The following LIPH variants were observed in gnomAD, a reference collection of about 807,000 sequenced individuals.
LIPH encodes lipase H.
A neutral mutation model predicts 47.6 loss-of-function variants in LIPH; 32 were observed. The observed-to-expected ratio is 0.67, with a 90% CI of 0.51 to 0.90. LIPH has a LOEUF of 0.90. LIPH is among the 40% of genes least tolerant of loss of function. The pLI, the probability that LIPH is intolerant of heterozygous loss-of-function variation, is 0.00. For synonymous variants in LIPH, 190 were observed against 195.6 expected (o/e 0.97, Z 0.24); for missense variants, 497 against 541.4 (o/e 0.92, Z 0.81).
intron 6 of LIPH, among the ~76,000 whole-genome samples, 199 bp from the exon 7 acceptor site, chr3:185,517,361 C>T (rs1719760910): frequency 6.6e-6 from 1 of 152,166 alleles, no homozygotes; most frequent in Non-Finnish European, 1.5e-5. Flanking sequence ...TGAAGGGCAA[C>T]AGGACCCTCC....
intron 4 of LIPH, among the ~76,000 whole-genome samples, chr3:185,527,214 G>A (rs1185663318): frequency 1.3e-5 from 2 of 152,078 alleles, no homozygotes; most frequent in East Asian, 1.9e-4. Context: ...ACTCCAGCCT[G>A]GGCGACAGAG....
intron 3 of LIPH, among the ~76,000 whole-genome samples, chr3:185,533,046 G>A (rs1263946304): frequency 1.3e-5 from 2 of 152,122 alleles, no homozygotes; most frequent in African/African-American, 4.8e-5. Flanking sequence ...TAAGCCCTAG[G>A]CAGGAGATTC....
intron 1 of LIPH, among the ~76,000 whole-genome samples, chr3:185,543,015 C>T (rs1317378304): frequency 4.6e-5 from 7 of 152,040 alleles, no homozygotes. Flanking sequence ...TCGAGACCAG[C>T]CTGGGCAACA....
chr3:185,515,697 G>T (rs1324899982), intron 7 of LIPH, among the ~76,000 whole-genome samples: 1 of 151,978 alleles, frequency 6.6e-6, no homozygotes, highest in Non-Finnish European at 1.5e-5. Flanking sequence ...TGTTTTTGGG[G>T]TTTTTGTATT....
chr3:185,518,537 C>A (rs1719803362), intron 6 of LIPH, among the ~76,000 whole-genome samples: 2 of 152,136 alleles, frequency 1.3e-5, no homozygotes, highest in South Asian at 4.2e-4. Flanking sequence ...ACCTCAGCCT[C>A]CCAAAGTGCT....
At chr3:185,531,289 G>GGGA (rs1720322716) in intron 3 of LIPH, among the ~76,000 whole-genome samples, 1 of 152,244 alleles carries the variant, frequency 6.6e-6, no homozygotes, top group South Asian at 2.1e-4. Context: ...GCTCATGTCT[G>GGGA]TAATCCCAGC....
rs1046725517 is a variant in LIPH at position 185,551,072 on chromosome 3, G to C, written c.49+1351C>G. Among the ~76,000 whole-genome samples the C allele has an allele frequency of 2.1e-4, 32 of 152,086 alleles. 1 individual carries two copies. The highest frequency in any genetic ancestry group is 6.5e-5 in the Admixed American group (1 of 15,276). The stretch of plus-strand genomic sequence containing the variant: ...TCCTGTAGTCCCAGCTATTTGGGAG[G>C]CTGAGGCAGGAGAATCGCGTGAACC... On this transcript the variant is annotated intron_variant, in intron 1 of 9. Transcript: ENST00000296252.
At chr3:185,546,536 C>T (rs1483967740) in intron 1 of LIPH, among the ~76,000 whole-genome samples, 2 of 151,952 alleles carry the variant, frequency 1.3e-5, no homozygotes, top group African/African-American at 2.4e-5. Context: ...CTGTGGCTCA[C>T]GCCTGTAATC....
At position 185,524,118 on chromosome 3, in the gene LIPH, G is replaced by A. The variant is rs1453368208; in HGVS notation, c.671C>T (p.Pro224Leu). ...GCCAGGTTGATCCAATCCTCCATTT[G>A]GGTAGAAGTCTATGTTTCCTAATGG... The part of the protein sequence containing the change: ...KEPLGNIDFY[P>L]NGGLDQPGCP... The change falls in exon 5 of 10, where the codon CCA becomes CTA. Residue 224 changes from proline to leucine, a missense_variant. Transcript: ENST00000296252. 1.9e-6 allele frequency: 3 copies of A among 1,613,692 alleles called. No individual in the cohort carries two copies. The Admixed American group carries it at 5.0e-5, about 27-fold the overall frequency.
Position 185,508,528 on chromosome 3 carries a change from C to T in LIPH, c.*262G>A. 1 of 482,456 alleles carries T rather than the reference C, an allele frequency of 2.1e-6. No homozygotes were observed. Among genetic ancestry groups the T allele is most frequent in the East Asian group, 3.9e-5 (1 of 25,586 alleles). 29.9% of individuals were successfully genotyped at this position (482,456 alleles called of 1,614,324 possible). ...AATTGACAGGTCGGAACAAGGGAGG[C>T]CCCAGGACACAGCAGACACAGCGCT... On this transcript the variant is annotated 3_prime_UTR_variant, in exon 10 of 10. Coordinates refer to ENST00000296252, the MANE Select transcript of LIPH (RefSeq NM_139248.3).
In LIPH at chr3:185,511,629, T is replaced by G. The variant is rs1462486561; in HGVS notation, c.1163A>C (p.Lys388Thr). ...LLARFNQDLD[K>T]VAAISLMFST... ...GAACATCAAGGAAATTGCAGCCACTTTATCCAGATCTTGATTAAATCTTGC... is the reference window on the plus strand; with the variant it reads ...GAACATCAAGGAAATTGCAGCCACTGTATCCAGATCTTGATTAAATCTTGC... Residue 388 changes from lysine (K) to threonine (T), a missense_variant, in exon 9 of 10, where the codon AAA becomes ACA. Transcript: ENST00000296252. The G allele has an allele frequency of 1.2e-6, 2 of 1,613,470 alleles. No homozygotes were observed. The highest frequency in any genetic ancestry group is 2.2e-5 in the South Asian group (2 of 91,064).
chr3:185,527,634 G>T, intron 3 of LIPH, 49 bp from the exon 4 acceptor site: 1 of 1,211,712 alleles, frequency 8.3e-7, no homozygotes, highest in Non-Finnish European at 1.2e-6. Flanking sequence ...TGAGTCACCT[G>T]CAGCCGGGCC....
chr3:185,552,521 G>C lies in LIPH; in HGVS notation c.-50C>G, dbSNP rs748224598. 7.6e-7 allele frequency: 1 copy of C among 1,309,924 alleles called. No individual in the cohort carries two copies. The highest frequency in any genetic ancestry group is 1.1e-6 in the Non-Finnish European group (1 of 902,668). 81.1% of individuals were successfully genotyped at this position (1,309,924 alleles called of 1,614,324 possible). ...CACATTCACAAGAATGATTTACTTC[G>C]CAGAGGCTTAAGAGTTTCCACTGTG... On this transcript the variant is annotated 5_prime_UTR_variant, in exon 1 of 10. Transcript: ENST00000296252.
chr3:185,527,384 T>C (rs1720140523), intron 4 of LIPH, 100 bp downstream of exon 4: 1 of 892,542 alleles, frequency 1.1e-6, no homozygotes, highest in African/African-American at 1.6e-5. Flanking sequence ...AAAGTTAGAA[T>C]CTAGAGGAAC....
intron 2 of LIPH, 121 bp downstream of exon 2, chr3:185,534,643 TC>T (rs1560167389): frequency 2.1e-6 from 2 of 968,862 alleles, no homozygotes; most frequent in Non-Finnish European, 3.2e-6. Context: ...TGGGGCTTAT[TC>T]ACATTTGCAA....
At chr3:185,529,221 A>G (rs1167070077) in intron 3 of LIPH, among the ~76,000 whole-genome samples, 23 of 149,412 alleles carry the variant, frequency 1.5e-4, no homozygotes, top group African/African-American at 5.1e-4. Flanking sequence ...AAGAAAGAAA[A>G]AAGGAAAAAA....
intron 1 of LIPH, among the ~76,000 whole-genome samples, chr3:185,550,838 G>A (rs1440389543): frequency 6.6e-6 from 1 of 152,088 alleles, no homozygotes; most frequent in Non-Finnish European, 1.5e-5. Flanking sequence ...AGAGTGCTGG[G>A]ATTATAGGCA....
chr3:185,523,316 T>C (rs1036314869), intron 5 of LIPH, among the ~76,000 whole-genome samples: 1 of 152,170 alleles, frequency 6.6e-6, no homozygotes, highest in African/African-American at 2.4e-5. Context: ...AATTTATAAT[T>C]TATATTTATA....
chr3:185,549,095 C>A (rs546857009), intron 1 of LIPH, among the ~76,000 whole-genome samples: 101 of 149,236 alleles, frequency 6.8e-4, no homozygotes, highest in African/African-American at 2.3e-3. Context: ...CGCACCACTG[C>A]AGTCCAGCCT....
Sources: allele counts gnomAD v4.1 joint callset (sites outside exome capture counted in the v4.1 genomes callset), GRCh38; gene constraint gnomAD v4.1.1; transcripts MANE v1.5; gene names NCBI Gene and HGNC (gene_info 2026-07-23, HGNC 2026-07-21).